Variants in ZMIZ1 observed in about 807,000 individuals in gnomAD.
The protein encoded by ZMIZ1 is zinc finger MIZ-type containing 1.
In ZMIZ1, 17 loss-of-function variants were observed where a neutral mutation model predicts 113.9. The observed-to-expected ratio is 0.15, with a 90% CI of 0.10 to 0.22. The LOEUF (loss-of-function observed/expected upper bound fraction) is 0.22. Ranked by LOEUF, ZMIZ1 falls within the 10% of genes least tolerant of loss-of-function variation. ZMIZ1 has a pLI of 1.00. For missense variants in ZMIZ1, 1,059 were observed against 1,477.8 expected, an observed-to-expected ratio of 0.72 and a Z score of 4.65; for synonymous variants, 607 against 603.1, an observed-to-expected ratio of 1.01 and a Z score of -0.09.
intron 5 of ZMIZ1, 71 bp downstream of exon 5, chr10:79,201,763 G>T: frequency 6.4e-7 from 1 of 1,558,202 alleles, no homozygotes; most frequent in South Asian, 1.1e-5. Context: ...GGCATCTGGT[G>T]GGTTCTGGCT....
chr10:79,100,997 C>G (rs1038053154), intron 1 of ZMIZ1, among the ~76,000 whole-genome samples: 1 of 152,102 alleles, frequency 6.6e-6, no homozygotes, highest in African/African-American at 2.4e-5. Context: ...GCACAAAGGT[C>G]GGGTCCCTAG....
intron 8 of ZMIZ1, among the ~76,000 whole-genome samples, chr10:79,280,035 CTGTAG>C (rs1273339903): frequency 6.6e-6 from 1 of 150,382 alleles, no homozygotes; most frequent in Non-Finnish European, 1.5e-5. Context: ...GTCACCCAGG[CTGTAG>C]TACAGTGGCG....
intron 1 of ZMIZ1, among the ~76,000 whole-genome samples, chr10:79,081,213 A>G (rs912426952): frequency 6.6e-6 from 1 of 152,152 alleles, no homozygotes; most frequent in Admixed American, 6.5e-5. Flanking sequence ...AGTCTCTTCC[A>G]TTCTCTGCCT....
chr10:79,198,942 G>A (rs191751872), intron 4 of ZMIZ1, among the ~76,000 whole-genome samples: 47 of 152,114 alleles, frequency 3.1e-4, no homozygotes, highest in African/African-American at 1.1e-3. Flanking sequence ...GCTAAGGCAG[G>A]AGAATCACTT....
chr10:79,185,042 A>G (rs1326988593), intron 4 of ZMIZ1, among the ~76,000 whole-genome samples: 1 of 152,130 alleles, frequency 6.6e-6, no homozygotes, highest in African/African-American at 2.4e-5. Context: ...CAGAGCCAAC[A>G]TTTTTGCACC....
At chr10:79,198,362 G>A (rs1448531758) in intron 4 of ZMIZ1, among the ~76,000 whole-genome samples, 3 of 152,042 alleles carry the variant, frequency 2.0e-5, no homozygotes, top group African/African-American at 7.3e-5. Context: ...GTGAACAGGC[G>A]GGCATTTGTT....
At chr10:79,159,374 T>C (rs892631648) in intron 3 of ZMIZ1, among the ~76,000 whole-genome samples, 2 of 152,184 alleles carry the variant, frequency 1.3e-5, no homozygotes, top group African/African-American at 4.8e-5. Context: ...GGCTCCTGGT[T>C]CCTGAGCCCC....
chr10:79,252,672 G>T (rs1850626890), intron 7 of ZMIZ1, among the ~76,000 whole-genome samples: 1 of 152,152 alleles, frequency 6.6e-6, no homozygotes, highest in Non-Finnish European at 1.5e-5. Flanking sequence ...TCACCCACAG[G>T]TCTGTTATAG....
intron 2 of ZMIZ1, among the ~76,000 whole-genome samples, chr10:79,137,855 T>C (rs1845079874): frequency 6.6e-6 from 1 of 151,716 alleles, no homozygotes; most frequent in African/African-American, 2.4e-5. Context: ...GGGTGGGCGC[T>C]GTGGGCCCTG....
At chr10:79,236,463 A>G (rs906244439) in intron 7 of ZMIZ1, among the ~76,000 whole-genome samples, 3 of 152,208 alleles carry the variant, frequency 2.0e-5, no homozygotes, top group Non-Finnish European at 2.9e-5. Flanking sequence ...GGGAGAAGCA[A>G]TGAAACCCCA....
At chr10:79,144,673 A>G (rs1406895789) in intron 3 of ZMIZ1, among the ~76,000 whole-genome samples, 1 of 152,224 alleles carries the variant, frequency 6.6e-6, no homozygotes, top group Non-Finnish European at 1.5e-5. Context: ...TATTGTTTAA[A>G]TATAGATTAC....
chr10:79,278,408 TTTA>T lies in ZMIZ1; in HGVS notation c.425+1098_425+1100del, dbSNP rs533836534. 6.6e-4 allele frequency among the ~76,000 whole-genome samples: 100 copies of T among 150,746 alleles called. 2 individuals carry two copies. In the South Asian group the frequency reaches 0.018, roughly 27 times the overall value. On this transcript the variant is annotated intron_variant, in intron 8 of 24. Coordinates refer to ENST00000334512, the MANE Select transcript of ZMIZ1 (RefSeq NM_020338.4). The stretch of plus-strand genomic sequence containing the variant: ...GTAGTTTTTCTTTTTATTATTATTA[TTTA>T]TTATTATTATTATTTTAATTCTTTT...
chr10:79,087,194 G>A (rs975972500), intron 1 of ZMIZ1, among the ~76,000 whole-genome samples: 3 of 152,218 alleles, frequency 2.0e-5, no homozygotes, highest in South Asian at 2.1e-4. Flanking sequence ...ACAAGTTGGG[G>A]GTGGTACTCA....
intron 6 of ZMIZ1, among the ~76,000 whole-genome samples, chr10:79,211,115 A>G (rs1848514221): frequency 6.6e-6 from 1 of 152,104 alleles, no homozygotes. Flanking sequence ...GGTGGCGGGT[A>G]GTGGGGATTG....
intron 1 of ZMIZ1, among the ~76,000 whole-genome samples, chr10:79,084,191 A>G (rs1054299835): frequency 1.3e-5 from 2 of 152,164 alleles, no homozygotes; most frequent in Admixed American, 6.5e-5. Flanking sequence ...AAAAGCTGCC[A>G]TCTTTGAACT....
rs1853884760 is a variant in ZMIZ1, at chr10:79,296,285, C to G, written c.1231-186C>G. On this transcript the variant is annotated intron_variant, in intron 12 of 24. Transcript: ENST00000334512. This position sits in a 1 kb window ranked among gnomAD's most constrained non-coding sequence, Gnocchi z 4.1. The stretch of plus-strand genomic sequence containing the variant: ...AAGGGGAGGTGGCCTATGATCTGGA[C>G]AGGCAGAACAAAATGCCCCTGGATG... 6.0e-6 allele frequency: 4 copies of G among 669,102 alleles called. No homozygotes were observed. In the Admixed American group the frequency reaches 1.1e-4, roughly 18 times the overall value. 41.4% of individuals were successfully genotyped at this position (669,102 alleles called of 1,614,324 possible).
chr10:79,207,943 A>T (rs1589424891), intron 5 of ZMIZ1, among the ~76,000 whole-genome samples: 1 of 149,546 alleles, frequency 6.7e-6, no homozygotes, highest in African/African-American at 2.5e-5. Context: ...ACCTTCCGCC[A>T]CCCCCACCAG....
chr10:79,128,125 G>C (rs1844594192), intron 2 of ZMIZ1, among the ~76,000 whole-genome samples: 2 of 152,138 alleles, frequency 1.3e-5, no homozygotes, highest in Admixed American at 1.3e-4. Context: ...GCAGGGTGAT[G>C]GTCTTCTGCC....
At chr10:79,167,177 C>T (rs1158988418) in intron 4 of ZMIZ1, among the ~76,000 whole-genome samples, 2 of 152,258 alleles carry the variant, frequency 1.3e-5, no homozygotes, top group East Asian at 3.8e-4. Context: ...CCAGAGCCTT[C>T]CTTCGACACT....
Sources: gnomAD v4.1 joint callset for allele counts (sites outside exome capture counted in the v4.1 genomes callset) on GRCh38, gnomAD v4.1.1 for gene constraint, Gnocchi (gnomAD v3.1) non-coding constraint, MANE v1.5 for transcripts, NCBI Gene and HGNC (gene_info 2026-07-23, HGNC 2026-07-21) for gene names.